Variants in SRBD1 observed in about 807,000 individuals in gnomAD.
The protein encoded by SRBD1 is S1 RNA binding domain 1.
SRBD1 carries 88 observed loss-of-function variants against 115.3 expected under a neutral mutation model. The observed-to-expected ratio is 0.76, with a 90% confidence interval of 0.64 to 0.91. The LOEUF (loss-of-function observed/expected upper bound fraction) is 0.91, where lower values mean the gene tolerates loss of function less well. SRBD1 is among the 40% of genes least tolerant of loss of function. SRBD1 has a pLI of 0.00. For missense variants in SRBD1, 1,385 were observed against 1,177.4 expected, an observed-to-expected ratio of 1.18 and a Z score of -2.58; for synonymous variants, 509 against 407.7, an observed-to-expected ratio of 1.25 and a Z score of -2.99.
chr2:45,391,985 T>C (rs955828678), intron 20 of SRBD1, among the ~76,000 whole-genome samples: 4 of 152,136 alleles, frequency 2.6e-5, no homozygotes, highest in African/African-American at 9.7e-5. Context: ...GAAATTCCCA[T>C]AAAAGGATAC....
chr2:45,606,079 T>C (rs528792780), intron 1 of SRBD1, among the ~76,000 whole-genome samples: 5 of 152,028 alleles, frequency 3.3e-5, no homozygotes, highest in Admixed American at 2.0e-4. Context: ...TGTTATTTTA[T>C]GGTAATAATA....
intron 14 of SRBD1, among the ~76,000 whole-genome samples, chr2:45,527,565 A>C (rs1671486124): frequency 7.2e-6 from 1 of 138,736 alleles, no homozygotes; most frequent in African/African-American, 2.5e-5. Context: ...TTATTATTAC[A>C]CATTTTGAAG....
chr2:45,511,236 TTTG>T, intron 14 of SRBD1, among the ~76,000 whole-genome samples: 1 of 152,268 alleles, frequency 6.6e-6, no homozygotes, highest in East Asian at 1.9e-4. Context: ...TCCTGTTCAC[TTTG>T]TTGTTTCGCC....
intron 15 of SRBD1, among the ~76,000 whole-genome samples, chr2:45,484,315 A>G (rs1210133563): frequency 6.6e-6 from 1 of 152,112 alleles, no homozygotes; most frequent in East Asian, 1.9e-4. Context: ...TCTAATCCCA[A>G]GTTTCTTCAA....
chr2:45,543,230 G>C (rs1356466274), intron 14 of SRBD1, among the ~76,000 whole-genome samples: 2 of 152,258 alleles, frequency 1.3e-5, no homozygotes, highest in South Asian at 4.1e-4. Flanking sequence ...TTAACTTTTT[G>C]CTCCTTTGGT....
intron 16 of SRBD1, among the ~76,000 whole-genome samples, chr2:45,470,425 C>T (rs967348091): frequency 6.6e-6 from 1 of 152,068 alleles, no homozygotes; most frequent in Non-Finnish European, 1.5e-5. Flanking sequence ...GTTCCAAAAA[C>T]TTATTTTGGC....
chr2:45,476,182 C>T (rs1169311423), intron 16 of SRBD1, among the ~76,000 whole-genome samples: 1 of 152,100 alleles, frequency 6.6e-6, no homozygotes, highest in African/African-American at 2.4e-5. Flanking sequence ...AGCTTTGCTA[C>T]CATGAGATCT....
chr2:45,483,845 T>C (rs2103840571), intron 15 of SRBD1, among the ~76,000 whole-genome samples: 1 of 152,228 alleles, frequency 6.6e-6, no homozygotes, highest in East Asian at 1.9e-4. Context: ...ACTGTAATCC[T>C]GACCCTCTAA....
intron 14 of SRBD1, among the ~76,000 whole-genome samples, chr2:45,514,023 G>C (rs1439632592): frequency 6.6e-6 from 1 of 152,096 alleles, no homozygotes; most frequent in African/African-American, 2.4e-5. Context: ...TCAGTTTTCA[G>C]TTCAGTTTCC....
At chr2:45,497,126 C>G (rs1218320340) in intron 14 of SRBD1, among the ~76,000 whole-genome samples, 1 of 152,120 alleles carries the variant, frequency 6.6e-6, no homozygotes, top group Non-Finnish European at 1.5e-5. Flanking sequence ...AGACATAATT[C>G]CTTTCAAGGA....
rs1382858311 is a variant in SRBD1 at position 45,559,313 on chromosome 2, G to A, written c.1409+3340C>T. 2.0e-5 allele frequency among the ~76,000 whole-genome samples: 3 copies of A among 152,110 alleles called. No individual in the cohort carries two copies. In the East Asian group the frequency reaches 5.8e-4, roughly 29 times the overall value. On this transcript the variant is annotated intron_variant, in intron 10 of 20. Transcript: ENST00000263736. ...AAAAAAATCTTTAGCATACCTGAAA[G>A]CTATGTATGATCTAACCTGTGTCAA...
At chr2:45,584,165 G>A (rs1145514) in intron 5 of SRBD1, among the ~76,000 whole-genome samples, 1 of 152,134 alleles carries the variant, frequency 6.6e-6, no homozygotes, top group African/African-American at 2.4e-5. Flanking sequence ...GTTTGGCCTA[G>A]AAATTTGTTA....
At chr2:45,538,578 T>C (rs1671837416) in intron 14 of SRBD1, among the ~76,000 whole-genome samples, 1 of 152,194 alleles carries the variant, frequency 6.6e-6, no homozygotes, top group Non-Finnish European at 1.5e-5. Context: ...AATGAGACTA[T>C]GCTAATAACT....
intron 4 of SRBD1, among the ~76,000 whole-genome samples, chr2:45,593,399 G>A (rs1052145160): frequency 2.6e-5 from 4 of 152,096 alleles, no homozygotes; most frequent in African/African-American, 9.7e-5. Flanking sequence ...ACAACCAAGT[G>A]GAAGCAATGA....
At chr2:45,422,937 G>A (rs1668049149) in intron 16 of SRBD1, among the ~76,000 whole-genome samples, 1 of 152,066 alleles carries the variant, frequency 6.6e-6, no homozygotes, top group East Asian at 1.9e-4. Flanking sequence ...ACCTACAGAG[G>A]CAAGCCCAAC....
At chr2:45,586,577 G>A (rs924545902) in intron 4 of SRBD1, among the ~76,000 whole-genome samples, 2 of 151,280 alleles carry the variant, frequency 1.3e-5, no homozygotes, top group South Asian at 2.1e-4. Flanking sequence ...ACAGTGTCTC[G>A]CTCTTTCACC....
In SRBD1 at chr2:45,559,076, C is replaced by G. The variant is rs541463012; in HGVS notation, c.1409+3577G>C. Among the ~76,000 whole-genome samples the G allele has an allele frequency of 1.4e-4, 22 of 152,222 alleles. No homozygotes were observed. In the South Asian group the frequency reaches 4.6e-3, roughly 32 times the overall value. ...CATTTAATCAGATACCTTGTCCTGC[C>G]CCTGTCTACCTCCTAAATATTGCCC... On this transcript the variant is annotated intron_variant, in intron 10 of 20. Coordinates refer to ENST00000263736, the MANE Select transcript of SRBD1 (RefSeq NM_018079.5).
At chr2:45,496,970 G>A (rs1263171827) in intron 14 of SRBD1, among the ~76,000 whole-genome samples, 2 of 152,292 alleles carry the variant, frequency 1.3e-5, no homozygotes, top group East Asian at 3.9e-4. Context: ...TCTAATCATA[G>A]TTTTTAAAGT....
chr2:45,404,463 C>T lies in SRBD1; in HGVS notation c.2513+8651G>A, dbSNP rs142602563. On this transcript the variant is annotated intron_variant, in intron 19 of 20. Transcript: ENST00000263736. ...CCAATACAGTGAGTTTCCACTTCATCCTCCACAGTGTCTCTAGTATTCATA... is the reference window on the plus strand; with the variant it reads ...CCAATACAGTGAGTTTCCACTTCATTCTCCACAGTGTCTCTAGTATTCATA... Among the ~76,000 whole-genome samples the T allele has an allele frequency of 1.3e-3, 197 of 152,220 alleles. 1 individual carries two copies. The highest frequency in any genetic ancestry group is 4.3e-3 in the African/African-American group (177 of 41,518).
Sources: allele counts gnomAD v4.1 joint callset (sites outside exome capture counted in the v4.1 genomes callset), GRCh38; gene constraint gnomAD v4.1.1; transcripts MANE v1.5; gene names NCBI Gene and HGNC (gene_info 2026-07-23, HGNC 2026-07-21).